Variants in KMT2E observed in about 807,000 individuals in gnomAD.
The protein encoded by KMT2E is lysine methyltransferase 2E (inactive), also known as histone reader KMT2E.
In KMT2E, 30 loss-of-function variants were observed where a neutral mutation model predicts 184.6. The ratio of observed to expected loss-of-function variants is 0.16; its 90% confidence interval spans 0.12 to 0.22. The LOEUF (loss-of-function observed/expected upper bound fraction) is 0.22. Ranked by LOEUF, KMT2E falls within the 10% of genes least tolerant of loss-of-function variation. The pLI, the probability that KMT2E is intolerant of heterozygous loss-of-function variation, is 1.00. For synonymous variants in KMT2E, 815 were observed against 776.5 expected (o/e 1.05, Z -0.82); for missense variants, 2,023 against 2,237.4 (o/e 0.90, Z 1.93).
At chr7:105,055,833 G>T (rs1796553999) in intron 3 of KMT2E, among the ~76,000 whole-genome samples, 1 of 151,926 alleles carries the variant, frequency 6.6e-6, no homozygotes, top group Non-Finnish European at 1.5e-5. Context: ...GAAGGCTCCT[G>T]TGCATACCTC....
intron 1 of KMT2E, among the ~76,000 whole-genome samples, chr7:105,037,086 T>C (rs1795691181): frequency 6.6e-6 from 1 of 152,190 alleles, no homozygotes. Context: ...TTCTTTCAAG[T>C]TTCTTTAATT....
In KMT2E at chr7:105,076,137, A is replaced by G. The variant is rs367945160; in HGVS notation, c.768+56A>G. 110 of 1,219,376 alleles carry G rather than the reference A, an allele frequency of 9.0e-5. 1 individual carries two copies. In the South Asian group the frequency reaches 1.2e-3, roughly 13 times the overall value. 75.5% of individuals were successfully genotyped at this position (1,219,376 alleles called of 1,614,324 possible). On this transcript the variant is annotated intron_variant, in intron 9 of 26. Transcript: ENST00000311117. ...CAACTGTCATTTATTCAGGAGCTAC[A>G]TGCTTGCTTGACCATATCTTTACTT...
At chr7:105,078,657 CTTTTTTTTTTT>C (rs71152940) in intron 11 of KMT2E, among the ~76,000 whole-genome samples, 178 bp from the exon 12 acceptor site, 1 of 46,674 alleles carries the variant, frequency 2.1e-5, no homozygotes, top group South Asian at 1.3e-3. Flanking sequence ...CATGCCTGGC[CTTTTTTTTTTT>C]TTTTTTTTTT....
intron 13 of KMT2E, among the ~76,000 whole-genome samples, chr7:105,083,632 C>G (rs1562916064): frequency 1.3e-5 from 2 of 152,194 alleles, no homozygotes; most frequent in South Asian, 4.1e-4. Flanking sequence ...TGCATTTGCA[C>G]AAAACAGTAG....
chr7:105,075,127 C>T (rs560491553), intron 8 of KMT2E, among the ~76,000 whole-genome samples: 2 of 151,308 alleles, frequency 1.3e-5, no homozygotes, highest in Admixed American at 1.3e-4. Context: ...TTTCACTTGT[C>T]TGTCTGACAT....
At chr7:105,100,806 CAG>C (rs1177480165) in intron 15 of KMT2E, among the ~76,000 whole-genome samples, 1 of 152,124 alleles carries the variant, frequency 6.6e-6, no homozygotes, top group Admixed American at 6.5e-5. Flanking sequence ...AATAACAACT[CAG>C]AGAAGTTCAT....
Position 105,102,204 on chromosome 7 carries a change from T to C in KMT2E, c.2196+10T>C. 1 of 1,572,520 alleles carries C rather than the reference T, an allele frequency of 6.4e-7. No individual in the cohort carries two copies. Among genetic ancestry groups the C allele is most frequent in the Non-Finnish European group, 8.6e-7 (1 of 1,166,876 alleles). ...CCCCAAAACAAAGAAGGTATGATTC[T>C]AATGAATGTAAGAACTGTTTTTCTA... On this transcript the variant is annotated intron_variant, in intron 17 of 26. Transcript: ENST00000311117.
At chr7:105,071,064 T>A (rs938598769) in intron 6 of KMT2E, among the ~76,000 whole-genome samples, 2 of 152,202 alleles carry the variant, frequency 1.3e-5, no homozygotes, top group Non-Finnish European at 2.9e-5. Context: ...TATTTGTATT[T>A]CCTTCCTTAT....
At chr7:105,097,069 A>C (rs1276552669) in intron 15 of KMT2E, among the ~76,000 whole-genome samples, 1 of 152,242 alleles carries the variant, frequency 6.6e-6, no homozygotes, top group Non-Finnish European at 1.5e-5. Flanking sequence ...AGTGTTATTC[A>C]GTGGAACAGA....
At chr7:105,022,858 T>C (rs771273922) in intron 1 of KMT2E, among the ~76,000 whole-genome samples, 2 of 152,238 alleles carry the variant, frequency 1.3e-5, no homozygotes, top group Admixed American at 1.3e-4. Flanking sequence ...TTCTTGTTTT[T>C]TCTTTTCCAG....
intron 2 of KMT2E, among the ~76,000 whole-genome samples, chr7:105,039,630 A>G (rs1345753584): frequency 6.6e-6 from 1 of 152,214 alleles, no homozygotes; most frequent in East Asian, 1.9e-4. Flanking sequence ...CGGGTTAATA[A>G]CATGTTAATA....
At chr7:105,076,872 T>TTGTGTGTGTGTG in intron 9 of KMT2E, 91 bp from the exon 10 acceptor site, 3 of 630,904 alleles carry the variant, frequency 4.8e-6, no homozygotes, top group South Asian at 4.0e-5. Context: ...GCCGTTAATT[T>TTGTGTGTGTGTG]TGTGTGTGTG....
Position 105,111,250 on chromosome 7 carries a change from G to A in KMT2E, c.4068+382G>A, listed in dbSNP as rs1038902993. On this transcript the variant is annotated intron_variant, in intron 26 of 26. Coordinates refer to ENST00000311117, the MANE Select transcript of KMT2E (RefSeq NM_182931.3). Reference sequence around the variant, plus strand: ...TGACATCTTCATCCTGGTTCATGAAGATGTAATAATCTAGTATGGCATGTA... The same window carrying A: ...TGACATCTTCATCCTGGTTCATGAAAATGTAATAATCTAGTATGGCATGTA... 1.1e-4 allele frequency: 20 copies of A among 190,260 alleles called. 1 individual carries two copies. The highest frequency in any genetic ancestry group is 1.9e-4 in the Non-Finnish European group (18 of 93,168). The allele number at this position is 190,260 out of a possible 1,614,324, so 11.8% of individuals were successfully genotyped here.
At chr7:105,054,128 A>C (rs1035791565) in intron 3 of KMT2E, among the ~76,000 whole-genome samples, 1 of 152,038 alleles carries the variant, frequency 6.6e-6, no homozygotes, top group African/African-American at 2.4e-5. Context: ...GCTGAGATAC[A>C]TCACTGCACT....
chr7:105,055,157 C>T (rs1427369681), intron 3 of KMT2E, among the ~76,000 whole-genome samples: 1 of 150,700 alleles, frequency 6.6e-6, no homozygotes, highest in African/African-American at 2.4e-5. Context: ...CATTAACTTG[C>T]TTGGGAGAGA....
intron 3 of KMT2E, among the ~76,000 whole-genome samples, chr7:105,051,092 TTTTCTC>T (rs779759072): frequency 2.4e-4 from 32 of 134,156 alleles, no homozygotes; most frequent in South Asian, 9.4e-4. Flanking sequence ...TTTCTTTCTT[TTTTCTC>T]TCTCTCTCTC....
At chr7:105,034,859 G>T (rs1209518148) in intron 1 of KMT2E, among the ~76,000 whole-genome samples, 1 of 134,398 alleles carries the variant, frequency 7.4e-6, no homozygotes, top group Admixed American at 7.4e-5. Flanking sequence ...TTTTTTGGGG[G>T]GTGGGGGGGT....
At chr7:105,066,088 T>C (rs1007159590) in intron 5 of KMT2E, among the ~76,000 whole-genome samples, 20 of 152,002 alleles carry the variant, frequency 1.3e-4, no homozygotes, top group African/African-American at 4.6e-4. Flanking sequence ...AATGCCTCTT[T>C]AGTTGGTCTT....
At chr7:105,062,386 C>A in intron 4 of KMT2E, 108 bp downstream of exon 4, 1 of 612,148 alleles carries the variant, frequency 1.6e-6, no homozygotes, top group African/African-American at 1.9e-5. Flanking sequence ...ATGGTTGTTT[C>A]ATACTATCAA....
Sources: gnomAD v4.1 joint callset for allele counts (sites outside exome capture counted in the v4.1 genomes callset) on GRCh38, gnomAD v4.1.1 for gene constraint, MANE v1.5 for transcripts, NCBI Gene and HGNC (gene_info 2026-07-23, HGNC 2026-07-21) for gene names.